RGS5: variants seen among roughly 807,000 people sequenced by gnomAD.
RGS5 encodes regulator of G protein signaling 5.
Under a neutral mutation model 18.9 loss-of-function variants are expected in RGS5, and 20 were observed. The observed-to-expected ratio is 1.06, with a 90% CI of 0.74 to 1.54. RGS5 has a LOEUF of 1.54. Ranked by LOEUF, RGS5 falls within the 40% of genes most tolerant of loss-of-function variation. RGS5 has a pLI of 0.00. For missense variants in RGS5, 201 were observed against 211.8 expected, an observed-to-expected ratio of 0.95 and a Z score of 0.32; for synonymous variants, 57 against 76.2, an observed-to-expected ratio of 0.75 and a Z score of 1.31.
chr1:163,188,861 G>A (rs1396875347), intron 1 of RGS5, among the ~76,000 whole-genome samples: 3 of 149,130 alleles, frequency 2.0e-5, no homozygotes, highest in African/African-American at 7.4e-5. Context: ...GCTGTGGCAG[G>A]AGAATCGCTT....
chr1:163,295,005 C>G (rs569013568), intron 2 of RGS5, among the ~76,000 whole-genome samples: 2 of 152,190 alleles, frequency 1.3e-5, no homozygotes, highest in African/African-American at 4.8e-5. Context: ...TTATCTGAGA[C>G]CACCTCAGCC....
intron 1 of RGS5, among the ~76,000 whole-genome samples, chr1:163,213,192 A>G (rs1220552300): frequency 8.5e-5 from 13 of 152,180 alleles, no homozygotes; most frequent in Non-Finnish European, 1.6e-4. Context: ...GATATAACAC[A>G]TGGCAGATGC....
At chr1:163,268,099 G>C (rs1396548) in intron 2 of RGS5, among the ~76,000 whole-genome samples, 43,432 of 151,478 alleles carry the variant, frequency 0.29, 6,377 homozygotes, top group Non-Finnish European at 0.32. Context: ...ATTTTATCTG[G>C]TCAGCTCCTA....
In RGS5 at chr1:163,143,689, T is replaced by C. The variant is rs1195327995; in HGVS notation, c.*3653A>G. 1 of 152,182 alleles carries C rather than the reference T, an allele frequency of 6.6e-6. No individual in the cohort carries two copies. Among genetic ancestry groups the C allele is most frequent in the Non-Finnish European group, 1.5e-5 (1 of 68,030 alleles). The allele number at this position is 152,182 out of a possible 1,614,324, so 9.4% of individuals were successfully genotyped here. ...CATGACTATTCTCTCCTAAACTTGC[T>C]AAACTCCCAGGAAAAAGGGAAAATG... On this transcript the variant is annotated 3_prime_UTR_variant, in exon 5 of 5. Coordinates refer to ENST00000313961, the MANE Select transcript of RGS5 (RefSeq NM_003617.4).
At chr1:163,160,806 T>C (rs1029488073) in intron 3 of RGS5, among the ~76,000 whole-genome samples, 4 of 152,198 alleles carry the variant, frequency 2.6e-5, no homozygotes, top group African/African-American at 9.6e-5. Context: ...GTTATAAAGA[T>C]GGAGAAATAT....
At chr1:163,192,982 A>C (rs1173163554) in intron 1 of RGS5, among the ~76,000 whole-genome samples, 1 of 152,218 alleles carries the variant, frequency 6.6e-6, no homozygotes, top group Non-Finnish European at 1.5e-5. Context: ...CAAGTGCCTC[A>C]TCAAGAAACA....
At chr1:163,246,345 C>T (rs922654905) in intron 2 of RGS5, among the ~76,000 whole-genome samples, 20 of 151,592 alleles carry the variant, frequency 1.3e-4, no homozygotes, top group Non-Finnish European at 1.8e-4. Flanking sequence ...CTGAGGCGGG[C>T]GGATCACGAG....
At chr1:163,161,856 T>C in intron 3 of RGS5, 59 bp downstream of exon 3, 5 of 1,346,176 alleles carry the variant, frequency 3.7e-6, no homozygotes, top group Non-Finnish European at 5.3e-6. Context: ...TACAAAGATG[T>C]TTTTTGTTTC....
At chr1:163,212,773 T>C (rs953745115) in intron 1 of RGS5, 10 of 152,260 alleles carry the variant, frequency 6.6e-5, no homozygotes, top group African/African-American at 2.4e-4. Flanking sequence ...CAATATACTA[T>C]TAGGGATCAA....
At chr1:163,301,314 GA>G (rs1230840787) in intron 2 of RGS5, among the ~76,000 whole-genome samples, 2 of 150,078 alleles carry the variant, frequency 1.3e-5, no homozygotes, top group African/African-American at 4.9e-5. Context: ...AAAAAAATCA[GA>G]AACGGGCAAT....
intron 1 of RGS5, among the ~76,000 whole-genome samples, chr1:163,187,888 G>A (rs1481455923): frequency 6.6e-6 from 1 of 152,146 alleles, no homozygotes; most frequent in Non-Finnish European, 1.5e-5. Context: ...CCACTGGTAG[G>A]GGGAGTGGTC....
intron 1 of RGS5, among the ~76,000 whole-genome samples, chr1:163,215,784 G>A (rs1041315919): frequency 2.6e-5 from 4 of 152,018 alleles, no homozygotes; most frequent in South Asian, 2.1e-4. Flanking sequence ...AAGTTTTTGG[G>A]CCAGGCACAG....
At chr1:163,196,668 T>C (rs1308688524) in intron 1 of RGS5, among the ~76,000 whole-genome samples, 1 of 152,166 alleles carries the variant, frequency 6.6e-6, no homozygotes, top group Admixed American at 6.5e-5. Context: ...GATACCATCA[T>C]TGCAGCCAAA....
intron 1 of RGS5, among the ~76,000 whole-genome samples, chr1:163,178,420 G>A (rs1261407127): frequency 1.3e-5 from 2 of 152,120 alleles, no homozygotes; most frequent in African/African-American, 4.8e-5. Flanking sequence ...GGGATTTAGG[G>A]TTCTATAACT....
At chr1:163,171,498 G>A (rs1439023543) in intron 1 of RGS5, among the ~76,000 whole-genome samples, 1 of 152,190 alleles carries the variant, frequency 6.6e-6, no homozygotes, top group African/African-American at 2.4e-5. Flanking sequence ...ATGATGTAAT[G>A]AAAGTCTCTC....
intron 1 of RGS5, 33 bp from the exon 2 acceptor site, chr1:163,168,401 A>T (rs1363923355): frequency 6.9e-7 from 1 of 1,442,718 alleles, no homozygotes; most frequent in Non-Finnish European, 9.8e-7. Flanking sequence ...AAATGAGGAC[A>T]CCACATGTGC....
intron 4 of RGS5, among the ~76,000 whole-genome samples, chr1:163,151,249 T>A (rs1366964353): frequency 6.6e-6 from 1 of 152,170 alleles, no homozygotes; most frequent in South Asian, 2.1e-4. Flanking sequence ...TTTCTTGTAA[T>A]ATTTTGATTT....
chr1:163,252,483 T>G (rs1222257255), intron 2 of RGS5, among the ~76,000 whole-genome samples: 2 of 152,116 alleles, frequency 1.3e-5, no homozygotes, highest in African/African-American at 4.8e-5. Context: ...AGATTATCTC[T>G]TTTTTTGGTC....
intron 2 of RGS5, chr1:163,266,527 T>C (rs1278558592): frequency 1.3e-5 from 2 of 152,142 alleles, no homozygotes; most frequent in Admixed American, 6.6e-5. Flanking sequence ...TCTATCTCCA[T>C]GCTTTGCCTC....
Sources: gnomAD v4.1 joint callset for allele counts (sites outside exome capture counted in the v4.1 genomes callset) on GRCh38, gnomAD v4.1.1 for gene constraint, MANE v1.5 for transcripts, NCBI Gene and HGNC (gene_info 2026-07-23, HGNC 2026-07-21) for gene names.